Variants in TRDN observed in about 807,000 individuals in gnomAD.
TRDN encodes triadin.
Under a neutral mutation model 149.7 loss-of-function variants are expected in TRDN, and 161 were observed. The ratio of observed to expected loss-of-function variants is 1.08; its 90% CI spans 0.95 to 1.23. TRDN has a LOEUF of 1.23. TRDN is among the 50% of genes most tolerant of loss of function. The pLI, the probability that TRDN is intolerant of heterozygous loss-of-function variation, is 0.00. For synonymous variants in TRDN, 294 were observed against 250.5 expected (o/e 1.17, Z -1.64); for missense variants, 896 against 823.5 (o/e 1.09, Z -1.08).
At chr6:123,562,281 A>G (rs1195047150) in intron 2 of TRDN, among the ~76,000 whole-genome samples, 1 of 152,150 alleles carries the variant, frequency 6.6e-6, no homozygotes, top group African/African-American at 2.4e-5. Flanking sequence ...GCCTGCACCC[A>G]GGTGAAATAA....
At chr6:123,355,541 A>G (rs1780634112) in intron 20 of TRDN, among the ~76,000 whole-genome samples, 1 of 151,712 alleles carries the variant, frequency 6.6e-6, no homozygotes, top group Admixed American at 6.6e-5. Flanking sequence ...CTTGATATCT[A>G]CTACTACAAA....
intron 37 of TRDN, 45 bp downstream of exon 37, chr6:123,255,036 C>A (rs1484903577): frequency 9.9e-7 from 1 of 1,013,004 alleles, no homozygotes; most frequent in South Asian, 1.5e-5. Context: ...CAACATAATT[C>A]ATATGTTTTC....
In TRDN at chr6:123,272,743, G is replaced by T. The variant is rs60681476; in HGVS notation, c.1672+221C>A. Among the ~76,000 whole-genome samples the T allele has an allele frequency of 0.065, 9,818 of 151,858 alleles. 1,047 individuals are homozygous for T. Among genetic ancestry groups the T allele is most frequent in the African/African-American group, 0.22 (9,291 of 41,412 alleles). On this transcript the variant is annotated intron_variant, in intron 29 of 40. Transcript: ENST00000334268. ...GGTTTTTGTGCAAAGCTAACTCTCT[G>T]GTGGGAAGGGAAGACTAGTTGTCTA...
intron 20 of TRDN, among the ~76,000 whole-genome samples, chr6:123,357,472 T>C (rs1253178056): frequency 6.6e-6 from 1 of 152,020 alleles, no homozygotes; most frequent in African/African-American, 2.4e-5. Flanking sequence ...AGATAAGGGA[T>C]AGTCTAAAAA....
intron 12 of TRDN, among the ~76,000 whole-genome samples, chr6:123,424,504 G>A (rs891121997): frequency 2.6e-5 from 4 of 151,864 alleles, no homozygotes; most frequent in Non-Finnish European, 1.5e-5. Flanking sequence ...TAACTTGCTA[G>A]TTAAATATTT....
rs1778703899 is a variant in TRDN, at chr6:123,501,626, GT to G, written c.793+2092del. Among the ~76,000 whole-genome samples, 7 of 151,082 alleles carry G rather than the reference GT, an allele frequency of 4.6e-5. No individual in the cohort carries two copies. The South Asian group carries it at 1.5e-3, about 31-fold the overall frequency. On this transcript the variant is annotated intron_variant, in intron 8 of 40. Coordinates refer to ENST00000334268, the MANE Select transcript of TRDN (RefSeq NM_006073.4). The stretch of plus-strand genomic sequence containing the variant: ...TGTCTGATCTGCCATTAGAGGTTAA[GT>G]TTTGAATACTTACCTAATGATACAT...
chr6:123,260,676 G>T (rs1562234780), intron 33 of TRDN, 38 bp from the exon 34 acceptor site: 2 of 1,364,574 alleles, frequency 1.5e-6, no homozygotes, highest in Admixed American at 3.0e-5. Context: ...AGAAAGAAAG[G>T]AAAAAAAATA....
intron 9 of TRDN, among the ~76,000 whole-genome samples, chr6:123,478,796 T>C (rs1428004397): frequency 1.3e-5 from 2 of 152,178 alleles, no homozygotes; most frequent in African/African-American, 4.8e-5. Context: ...CAGTCAATCC[T>C]CAAAGCTTAG....
At chr6:123,370,598 G>A (rs1003869888) in intron 19 of TRDN, among the ~76,000 whole-genome samples, 1 of 152,102 alleles carries the variant, frequency 6.6e-6, no homozygotes, top group Admixed American at 6.6e-5. Context: ...TTTCATAGAA[G>A]TGAAATTGCT....
Position 123,530,547 on chromosome 6 carries a change from GTCTTA to G in TRDN, c.438_442del (p.Lys147Ter), listed in dbSNP as rs752256846. 9 of 1,255,336 alleles carry G rather than the reference GTCTTA, an allele frequency of 7.2e-6. No individual in the cohort carries two copies. The highest frequency in any genetic ancestry group is 3.2e-5 in the South Asian group (2 of 63,236). The allele number at this position is 1,255,336 out of a possible 1,614,324, so 77.8% of individuals were successfully genotyped here. A position where few individuals can be genotyped will look rare whatever the true frequency, so the allele number is the denominator to read the frequency against. ...CCTTTCAGGTTTCTCTTGTTTTTCA[GTCTTA>G]TCTTTGTGTATTTCTAAGAAAAAAT... is the stretch of plus-strand genomic sequence containing the variant. On this transcript the variant is annotated frameshift_variant, in exon 5 of 41. Transcript: ENST00000334268. LOFTEE classifies it high-confidence loss of function.
At chr6:123,549,070 C>T (rs1432391259) in intron 2 of TRDN, among the ~76,000 whole-genome samples, 3 of 151,938 alleles carry the variant, frequency 2.0e-5, no homozygotes, top group African/African-American at 7.2e-5. Context: ...GACTGATAGG[C>T]CCATTTATTC....
chr6:123,309,091 C>T (rs773908209), intron 24 of TRDN, among the ~76,000 whole-genome samples: 3 of 151,872 alleles, frequency 2.0e-5, no homozygotes, highest in Non-Finnish European at 2.9e-5. Context: ...TTGGTTCAAA[C>T]TCCTGATTCT....
chr6:123,325,448 T>C (rs1471975888), intron 23 of TRDN, among the ~76,000 whole-genome samples: 2 of 152,150 alleles, frequency 1.3e-5, no homozygotes, highest in Non-Finnish European at 2.9e-5. Context: ...AATATTTTAC[T>C]GAAAGTTCTA....
chr6:123,503,485 C>CTT (rs1554250378), intron 8 of TRDN: 2 of 984,954 alleles, frequency 2.0e-6, no homozygotes, highest in Non-Finnish European at 2.4e-6. Context: ...CTCCAAACCC[C>CTT]TTTTAAAAAT....
intron 24 of TRDN, among the ~76,000 whole-genome samples, chr6:123,304,630 T>C (rs1778544998): frequency 6.6e-6 from 1 of 152,156 alleles, no homozygotes; most frequent in Non-Finnish European, 1.5e-5. Flanking sequence ...GTTTTTTCTC[T>C]TGTGTTAACT....
intron 1 of TRDN, among the ~76,000 whole-genome samples, chr6:123,585,165 C>T (rs147010521): frequency 0.25 from 35,632 of 141,580 alleles, 5,166 homozygotes; most frequent in East Asian, 0.48. Flanking sequence ...AAGAGGAGCA[C>T]GCAAAGGAGG....
chr6:123,358,630 A>C (rs916188300), intron 20 of TRDN, among the ~76,000 whole-genome samples: 1 of 46,254 alleles, frequency 2.2e-5, no homozygotes, highest in Non-Finnish European at 4.2e-5. Context: ...ATGCCTGGCT[A>C]ATTTTTTTGT....
At chr6:123,296,892 C>G (rs1420521211) in intron 24 of TRDN, among the ~76,000 whole-genome samples, 1 of 151,994 alleles carries the variant, frequency 6.6e-6, no homozygotes, top group Admixed American at 6.6e-5. Context: ...CAAGAATTGT[C>G]TCTGACAATT....
intron 21 of TRDN, chr6:123,350,205 G>A (rs1236286243): frequency 1.0e-6 from 1 of 965,296 alleles, no homozygotes; most frequent in African/African-American, 1.8e-5. Context: ...CTTCTTAACT[G>A]ACTGTCGAAG....
Sources: allele counts gnomAD v4.1 joint callset (sites outside exome capture counted in the v4.1 genomes callset), GRCh38; gene constraint gnomAD v4.1.1; transcripts MANE v1.5; gene names NCBI Gene and HGNC (gene_info 2026-07-23, HGNC 2026-07-21).